Variants in SLC30A8 observed in about 807,000 individuals in gnomAD.
SLC30A8 encodes solute carrier family 30 member 8.
SLC30A8 carries 27 observed loss-of-function variants against 36.9 expected under a neutral mutation model. That is an observed-to-expected ratio of 0.73 (90% CI 0.54 to 1.01). SLC30A8 has a LOEUF of 1.01. Among genes scored for constraint, SLC30A8 ranks in the 50% least tolerant of loss-of-function variants. The pLI is 0.00. For missense variants in SLC30A8, 439 were observed against 452.0 expected, an observed-to-expected ratio of 0.97 and a Z score of 0.26; for synonymous variants, 164 against 172.4, an observed-to-expected ratio of 0.95 and a Z score of 0.38.
At chr8:117,058,389 A>G (rs977324130) in intron 2 of SLC30A8, among the ~76,000 whole-genome samples, 10 of 152,134 alleles carry the variant, frequency 6.6e-5, no homozygotes, top group Admixed American at 2.6e-4. Context: ...GGTTTAATGT[A>G]GTCCCACTTG....
At chr8:116,960,020 T>C (rs1814364000) in intron 1 of SLC30A8, among the ~76,000 whole-genome samples, 2 of 152,352 alleles carry the variant, frequency 1.3e-5, no homozygotes, top group South Asian at 4.1e-4. Context: ...ACTCCCTGCA[T>C]TGAAGCCTCG....
intron 2 of SLC30A8, among the ~76,000 whole-genome samples, chr8:117,102,619 T>TA (rs1425620612): frequency 6.6e-6 from 1 of 152,184 alleles, no homozygotes; most frequent in Admixed American, 6.6e-5. Flanking sequence ...CCAAAGGCTC[T>TA]AGGGAAGACT....
At chr8:117,095,790 G>A (rs1176505518) in intron 2 of SLC30A8, among the ~76,000 whole-genome samples, 2 of 152,182 alleles carry the variant, frequency 1.3e-5, no homozygotes, top group African/African-American at 4.8e-5. Flanking sequence ...TTCAGCCTTT[G>A]TGGAGCTCAG....
chr8:117,048,352 A>G (rs981086935), intron 2 of SLC30A8, among the ~76,000 whole-genome samples: 6 of 152,216 alleles, frequency 3.9e-5, no homozygotes, highest in Non-Finnish European at 5.9e-5. Flanking sequence ...AACAGGATTG[A>G]CGAGCTGGCA....
chr8:117,124,748 A>G (rs917032353), intron 2 of SLC30A8, among the ~76,000 whole-genome samples: 19 of 151,628 alleles, frequency 1.3e-4, no homozygotes, highest in African/African-American at 4.6e-4. Flanking sequence ...CTAAACATTG[A>G]GCACATTATG....
intron 2 of SLC30A8, among the ~76,000 whole-genome samples, chr8:117,099,040 C>T (rs918108264): frequency 2.0e-5 from 3 of 152,110 alleles, no homozygotes; most frequent in Non-Finnish European, 4.4e-5. Flanking sequence ...TGAATTCTAG[C>T]AGAGAGGGAA....
At chr8:116,988,714 T>C (rs1414298524) in intron 1 of SLC30A8, among the ~76,000 whole-genome samples, 1 of 152,240 alleles carries the variant, frequency 6.6e-6, no homozygotes, top group Non-Finnish European at 1.5e-5. Flanking sequence ...TCCATATTCT[T>C]GTTATTTTAC....
chr8:117,154,345 A>G (rs1021921363), intron 3 of SLC30A8, among the ~76,000 whole-genome samples: 5 of 152,120 alleles, frequency 3.3e-5, no homozygotes, highest in Non-Finnish European at 7.3e-5. Context: ...TTTTGTGCAA[A>G]TCATGTGAAC....
chr8:117,115,280 A>G (rs1375797275), intron 2 of SLC30A8, among the ~76,000 whole-genome samples: 1 of 151,898 alleles, frequency 6.6e-6, no homozygotes, highest in Admixed American at 6.6e-5. Context: ...AGCAGGAGGA[A>G]CTGCTCTAGT....
At chr8:117,105,807 TAAATAACTGGGTA>T (rs1010340606) in intron 2 of SLC30A8, among the ~76,000 whole-genome samples, 1 of 152,196 alleles carries the variant, frequency 6.6e-6, no homozygotes, top group African/African-American at 2.4e-5. Flanking sequence ...AGTGTTTGAC[TAAATAACTGGGTA>T]TTATGGCCTA....
At chr8:117,038,081 T>C (rs1226025749) in intron 1 of SLC30A8, among the ~76,000 whole-genome samples, 3 of 152,190 alleles carry the variant, frequency 2.0e-5, no homozygotes, top group Non-Finnish European at 2.9e-5. Flanking sequence ...TGAGGCCGAA[T>C]GTGGTATCTA....
At chr8:116,986,786 A>G (rs1482539982) in intron 1 of SLC30A8, among the ~76,000 whole-genome samples, 2 of 152,228 alleles carry the variant, frequency 1.3e-5, no homozygotes, top group East Asian at 3.8e-4. Flanking sequence ...ACTGCAACTC[A>G]TAATGATGAT....
chr8:117,089,796 A>G (rs929562760), intron 2 of SLC30A8, among the ~76,000 whole-genome samples: 1 of 152,110 alleles, frequency 6.6e-6, no homozygotes, highest in Non-Finnish European at 1.5e-5. Flanking sequence ...ATGACTTACG[A>G]AGCTCCACCA....
At chr8:117,151,899 C>T (rs1367719364) in intron 2 of SLC30A8, among the ~76,000 whole-genome samples, 1 of 152,174 alleles carries the variant, frequency 6.6e-6, no homozygotes, top group Non-Finnish European at 1.5e-5. Flanking sequence ...AGTGACTGTT[C>T]AGTAACAAGC....
chr8:116,977,141 C>CTTTTTTTTTTTTTTTTTTTT (rs71305451), intron 1 of SLC30A8, among the ~76,000 whole-genome samples: 23 of 59,106 alleles, frequency 3.9e-4, no homozygotes, highest in Admixed American at 9.0e-4. Context: ...CTTTTTCTTG[C>CTTTTTTTTTTTTTTTTTTTT]TTTTTTTTTT....
At chr8:116,977,035 T>C (rs1488944455) in intron 1 of SLC30A8, among the ~76,000 whole-genome samples, 1 of 151,652 alleles carries the variant, frequency 6.6e-6, no homozygotes, top group East Asian at 1.9e-4. Context: ...GCCAGGATTG[T>C]CTTGATCTCT....
chr8:117,112,535 C>T (rs926437387), intron 2 of SLC30A8, among the ~76,000 whole-genome samples: 1 of 152,122 alleles, frequency 6.6e-6, no homozygotes, highest in Non-Finnish European at 1.5e-5. Flanking sequence ...GCTCTAATTT[C>T]AGCTCTGCCG....
chr8:116,957,928 T>G (rs1384193767), intron 1 of SLC30A8, among the ~76,000 whole-genome samples: 5 of 152,194 alleles, frequency 3.3e-5, no homozygotes, highest in Non-Finnish European at 7.3e-5. Flanking sequence ...CTACAGCACC[T>G]GAGGGCAGCC....
At chr8:117,030,485 G>A (rs1349217377) in intron 1 of SLC30A8, among the ~76,000 whole-genome samples, 1 of 151,880 alleles carries the variant, frequency 6.6e-6, no homozygotes, top group African/African-American at 2.4e-5. Context: ...CTTTTTTTGA[G>A]TGAATCTAAG....
Sources: gnomAD v4.1 joint callset for allele counts (sites outside exome capture counted in the v4.1 genomes callset) on GRCh38, gnomAD v4.1.1 for gene constraint, MANE v1.5 for transcripts, NCBI Gene and HGNC (gene_info 2026-07-23, HGNC 2026-07-21) for gene names.